Variants in NPAS3 observed in about 807,000 individuals in gnomAD.
NPAS3 encodes neuronal PAS domain protein 3, also known as neuronal PAS domain-containing protein 3.
NPAS3 carries 14 observed loss-of-function variants against 73.1 expected under a neutral mutation model. That is an observed-to-expected ratio of 0.19 (90% CI 0.13 to 0.30). NPAS3 has a LOEUF of 0.30. Ranked by LOEUF, NPAS3 falls within the 10% of genes least tolerant of loss-of-function variation. NPAS3 has a pLI of 1.00. For synonymous variants in NPAS3, 620 were observed against 541.5 expected (o/e 1.14, Z -2.01); for missense variants, 1,096 against 1,250.0 (o/e 0.88, Z 1.86).
At chr14:33,242,065 T>A (rs1296963102) in intron 3 of NPAS3, among the ~76,000 whole-genome samples, 1 of 152,042 alleles carries the variant, frequency 6.6e-6, no homozygotes, top group Non-Finnish European at 1.5e-5. Flanking sequence ...AATTTTGTTT[T>A]CCAACTGATA....
chr14:32,950,860 A>G (rs1417723994), intron 1 of NPAS3, among the ~76,000 whole-genome samples: 1 of 152,156 alleles, frequency 6.6e-6, no homozygotes, highest in Non-Finnish European at 1.5e-5. Flanking sequence ...TTAAACTGCC[A>G]GTGAAATACA....
intron 2 of NPAS3, among the ~76,000 whole-genome samples, chr14:33,075,996 A>G (rs919829847): frequency 2.6e-5 from 4 of 152,154 alleles, no homozygotes; most frequent in African/African-American, 9.7e-5. Flanking sequence ...TCATAATACA[A>G]TTTTTGTAAA....
At chr14:33,152,834 T>C (rs2044500840) in intron 2 of NPAS3, among the ~76,000 whole-genome samples, 1 of 152,044 alleles carries the variant, frequency 6.6e-6, no homozygotes, top group Admixed American at 6.5e-5. Context: ...GGTGGTCTCT[T>C]TTAATCTGGA....
At chr14:33,218,305 A>G (rs966038415) in intron 3 of NPAS3, among the ~76,000 whole-genome samples, 1 of 152,172 alleles carries the variant, frequency 6.6e-6, no homozygotes, top group Non-Finnish European at 1.5e-5. Flanking sequence ...GTGACTCCCT[A>G]CTGTCTACCC....
At chr14:33,047,980 G>C (rs1186337678) in intron 1 of NPAS3, among the ~76,000 whole-genome samples, 1 of 152,136 alleles carries the variant, frequency 6.6e-6, no homozygotes, top group Admixed American at 6.5e-5. Context: ...ATAATTATTT[G>C]CATTGCAGGT....
chr14:33,520,926 T>TA lies in NPAS3; in HGVS notation c.469-39193dup, dbSNP rs1356387214. Among the ~76,000 whole-genome samples, 4 of 152,284 alleles carry TA rather than the reference T, an allele frequency of 2.6e-5. No homozygotes were observed. In the East Asian group the frequency reaches 7.7e-4, roughly 29 times the overall value. On this transcript the variant is annotated intron_variant, in intron 4 of 11. Transcript: ENST00000356141. Reference sequence around the variant, plus strand: ...TTACCCTTGACAAAACAAGCAATGATAATCGGATGATAATGTGGTAATTTA... The same window carrying TA: ...TTACCCTTGACAAAACAAGCAATGATAAATCGGATGATAATGTGGTAATTTA...
At chr14:33,343,747 G>A (rs1053815062) in intron 3 of NPAS3, among the ~76,000 whole-genome samples, 2 of 152,174 alleles carry the variant, frequency 1.3e-5, no homozygotes, top group African/African-American at 2.4e-5. Context: ...AACAGAATAC[G>A]TAACATGCAG....
At chr14:33,203,673 C>T (rs374620292) in intron 2 of NPAS3, among the ~76,000 whole-genome samples, 1 of 152,102 alleles carries the variant, frequency 6.6e-6, no homozygotes, top group Non-Finnish European at 1.5e-5. Context: ...TATGGCTGCA[C>T]AGTATTCCAT....
chr14:33,679,227 A>T (rs983924099), intron 6 of NPAS3, among the ~76,000 whole-genome samples: 2 of 152,214 alleles, frequency 1.3e-5, no homozygotes, highest in African/African-American at 4.8e-5. Flanking sequence ...GAGAACGTTA[A>T]GCTACCTTAA....
chr14:33,138,409 G>C (rs1336987145), intron 2 of NPAS3, among the ~76,000 whole-genome samples: 1 of 152,056 alleles, frequency 6.6e-6, no homozygotes, highest in Non-Finnish European at 1.5e-5. Context: ...TACATATAAA[G>C]CTATAAGCTA....
chr14:33,500,779 G>A (rs2052473248), intron 4 of NPAS3, among the ~76,000 whole-genome samples: 1 of 151,878 alleles, frequency 6.6e-6, no homozygotes, highest in Non-Finnish European at 1.5e-5. Context: ...GTTTTTGGTA[G>A]AATATGATCT....
At chr14:33,489,807 A>G (rs962408427) in intron 4 of NPAS3, among the ~76,000 whole-genome samples, 9 of 152,138 alleles carry the variant, frequency 5.9e-5, no homozygotes, top group Admixed American at 6.5e-5. Context: ...TGAGTGGTAC[A>G]TGCTTGTTTT....
chr14:33,057,589 C>G (rs906626017), intron 2 of NPAS3, among the ~76,000 whole-genome samples: 12 of 152,094 alleles, frequency 7.9e-5, no homozygotes, highest in African/African-American at 2.9e-4. Context: ...CAATTAGGAG[C>G]CCGGATGGGG....
intron 2 of NPAS3, among the ~76,000 whole-genome samples, chr14:33,158,925 G>A (rs2044746823): frequency 6.6e-6 from 1 of 152,176 alleles, no homozygotes; most frequent in Non-Finnish European, 1.5e-5. Context: ...CACTTTGAGA[G>A]GCTAAGGTGG....
intron 7 of NPAS3, among the ~76,000 whole-genome samples, chr14:33,763,629 C>A (rs2062367136): frequency 6.6e-6 from 1 of 152,222 alleles, no homozygotes; most frequent in Admixed American, 6.5e-5. Flanking sequence ...ACAGGAACTA[C>A]ATGTTGTCCA....
intron 1 of NPAS3, among the ~76,000 whole-genome samples, chr14:33,016,647 G>C (rs926822643): frequency 6.8e-6 from 1 of 146,348 alleles, no homozygotes; most frequent in Non-Finnish European, 1.5e-5. Flanking sequence ...CTAACCCATT[G>C]CTTAATTGGC....
At chr14:33,195,868 G>A (rs2046333777) in intron 2 of NPAS3, among the ~76,000 whole-genome samples, 1 of 152,158 alleles carries the variant, frequency 6.6e-6, no homozygotes, top group Non-Finnish European at 1.5e-5. Flanking sequence ...GCTGAACAAT[G>A]GGGGATCACA....
At chr14:33,349,354 T>C (rs2044911559) in intron 3 of NPAS3, among the ~76,000 whole-genome samples, 1 of 152,210 alleles carries the variant, frequency 6.6e-6, no homozygotes, top group South Asian at 2.1e-4. Flanking sequence ...ATTCTTTCTA[T>C]GATAGAATTA....
chr14:33,271,263 T>G (rs1227213515), intron 3 of NPAS3, among the ~76,000 whole-genome samples: 2 of 152,190 alleles, frequency 1.3e-5, no homozygotes, highest in Non-Finnish European at 2.9e-5. Flanking sequence ...CTCTTTGGAA[T>G]GAGGGTCTTA....
Sources: gnomAD v4.1 joint callset for allele counts (sites outside exome capture counted in the v4.1 genomes callset) on GRCh38, gnomAD v4.1.1 for gene constraint, MANE v1.5 for transcripts, NCBI Gene and HGNC (gene_info 2026-07-23, HGNC 2026-07-21) for gene names.